CADM2: variants seen among roughly 807,000 people sequenced by gnomAD.
The protein encoded by CADM2 is cell adhesion molecule 2.
A neutral mutation model predicts 49.8 loss-of-function variants in CADM2; 12 were observed. That is an observed-to-expected ratio of 0.24 (90% CI 0.15 to 0.39). The LOEUF (loss-of-function observed/expected upper bound fraction) is 0.39. Ranked by LOEUF, CADM2 falls within the 10% of genes least tolerant of loss-of-function variation. CADM2 has a pLI of 1.00. For missense variants in CADM2, 378 were observed against 492.3 expected (o/e 0.77, Z 2.20); for synonymous variants, 214 against 175.4 (o/e 1.22, Z -1.74).
At chr3:85,348,260 T>G (rs2030969964) in intron 1 of CADM2, among the ~76,000 whole-genome samples, 1 of 152,188 alleles carries the variant, frequency 6.6e-6, no homozygotes, top group Non-Finnish European at 1.5e-5. Flanking sequence ...GGAAAGGCCA[T>G]GCTTATGTTC....
chr3:85,319,524 C>T (rs2044548875), intron 1 of CADM2, among the ~76,000 whole-genome samples: 1 of 152,120 alleles, frequency 6.6e-6, no homozygotes, highest in Admixed American at 6.5e-5. Context: ...TTCACAATAG[C>T]AAACACAGGG....
At chr3:85,364,564 G>A (rs753387502) in intron 1 of CADM2, among the ~76,000 whole-genome samples, 5 of 152,164 alleles carry the variant, frequency 3.3e-5, no homozygotes, top group Non-Finnish European at 7.4e-5. Flanking sequence ...CAAGCAGAAT[G>A]AGAGATTAAA....
At chr3:85,585,190 G>A (rs1411587416) in intron 1 of CADM2, among the ~76,000 whole-genome samples, 1 of 151,908 alleles carries the variant, frequency 6.6e-6, no homozygotes, top group African/African-American at 2.4e-5. Context: ...CTGGCCATAA[G>A]TCACTCAGTA....
chr3:84,988,036 A>G (rs1402002213), intron 1 of CADM2, among the ~76,000 whole-genome samples: 3 of 152,144 alleles, frequency 2.0e-5, no homozygotes, highest in Admixed American at 2.0e-4. Context: ...CATGGAGAAA[A>G]CAAAACAAAA....
chr3:85,626,405 A>T (rs922233227), intron 1 of CADM2, among the ~76,000 whole-genome samples: 1 of 152,024 alleles, frequency 6.6e-6, no homozygotes, highest in Non-Finnish European at 1.5e-5. Context: ...AGTGGAATAA[A>T]TCAAATGTCT....
chr3:85,544,170 G>C (rs1343150129), intron 1 of CADM2, among the ~76,000 whole-genome samples: 1 of 152,152 alleles, frequency 6.6e-6, no homozygotes, highest in Non-Finnish European at 1.5e-5. Flanking sequence ...TGTGTTTCTG[G>C]TTACAATAAA....
intron 1 of CADM2, among the ~76,000 whole-genome samples, chr3:85,517,573 A>G (rs1230338820): frequency 6.6e-6 from 1 of 152,164 alleles, no homozygotes. Context: ...TTTTAACAAG[A>G]TGACAGCCAT....
intron 2 of CADM2, among the ~76,000 whole-genome samples, chr3:85,799,734 G>A (rs1435428256): frequency 6.6e-6 from 1 of 152,176 alleles, no homozygotes; most frequent in African/African-American, 2.4e-5. Flanking sequence ...AGCAAAGATT[G>A]CTGCCTGCTC....
At chr3:86,021,819 G>T (rs1010761500) in intron 8 of CADM2, among the ~76,000 whole-genome samples, 3 of 152,180 alleles carry the variant, frequency 2.0e-5, no homozygotes, top group Non-Finnish European at 4.4e-5. Context: ...AGTTATCAGT[G>T]GCAGGGGATA....
At chr3:85,310,898 G>A (rs1018744442) in intron 1 of CADM2, among the ~76,000 whole-genome samples, 1 of 152,112 alleles carries the variant, frequency 6.6e-6, no homozygotes, top group South Asian at 2.1e-4. Context: ...TATATAGCCT[G>A]AAATATTGTT....
At chr3:85,803,499 A>AG (rs1413977866) in intron 3 of CADM2, among the ~76,000 whole-genome samples, 23 of 139,964 alleles carry the variant, frequency 1.6e-4, no homozygotes, top group African/African-American at 4.2e-4. Context: ...ATAGATAGAT[A>AG]AATAGATAGA....
intron 1 of CADM2, among the ~76,000 whole-genome samples, chr3:85,216,314 CAT>C (rs1431473923): frequency 2.1e-5 from 3 of 145,624 alleles, no homozygotes; most frequent in African/African-American, 2.5e-5. Context: ...ATATATTTAA[CAT>C]ATTAATATAT....
intron 8 of CADM2, among the ~76,000 whole-genome samples, chr3:86,043,720 C>T (rs1736258997): frequency 6.6e-6 from 1 of 152,156 alleles, no homozygotes; most frequent in Non-Finnish European, 1.5e-5. Flanking sequence ...CTTTAAATTT[C>T]ATATGGAACC....
intron 1 of CADM2, among the ~76,000 whole-genome samples, chr3:85,395,841 T>C (rs1007153014): frequency 2.0e-5 from 3 of 151,468 alleles, no homozygotes; most frequent in African/African-American, 7.3e-5. Flanking sequence ...GGATGTTGTA[T>C]GCAACTTTAA....
intron 1 of CADM2, among the ~76,000 whole-genome samples, chr3:85,642,724 T>A (rs2064760242): frequency 6.6e-6 from 1 of 152,172 alleles, no homozygotes; most frequent in Non-Finnish European, 1.5e-5. Flanking sequence ...TAATGAAATA[T>A]CTCATAGAAA....
chr3:85,080,429 C>G (rs536358626), intron 1 of CADM2, among the ~76,000 whole-genome samples: 1 of 151,972 alleles, frequency 6.6e-6, no homozygotes, highest in African/African-American at 2.4e-5. Context: ...CTGAATATCT[C>G]AGTCCAGACA....
At chr3:85,180,329 C>T (rs1009585160) in intron 1 of CADM2, among the ~76,000 whole-genome samples, 1 of 151,354 alleles carries the variant, frequency 6.6e-6, no homozygotes, top group African/African-American at 2.4e-5. Flanking sequence ...GGCAATGTGG[C>T]GAAACCCTAT....
chr3:85,248,332 T>A (rs767086141), intron 1 of CADM2, among the ~76,000 whole-genome samples: 3 of 152,024 alleles, frequency 2.0e-5, no homozygotes, highest in Non-Finnish European at 4.4e-5. Flanking sequence ...TGGAGTGAAG[T>A]GGCCTGATCT....
At chr3:85,886,054 C>A in intron 4 of CADM2, 136 bp from the exon 5 acceptor site, 1 of 1,293,970 alleles carries the variant, frequency 7.7e-7, no homozygotes, top group Non-Finnish European at 1.1e-6. Context: ...CAGTTTATTA[C>A]ATAGTAGTTT....
Sources: gnomAD v4.1 joint callset for allele counts (sites outside exome capture counted in the v4.1 genomes callset) on GRCh38, gnomAD v4.1.1 for gene constraint, MANE v1.5 for transcripts, NCBI Gene and HGNC (gene_info 2026-07-23, HGNC 2026-07-21) for gene names.